DRAXIN: variants seen among roughly 807,000 people sequenced by gnomAD.
The protein encoded by DRAXIN is dorsal repulsive axon guidance protein.
DRAXIN carries 27 observed loss-of-function variants against 33.9 expected under a neutral mutation model. The ratio of observed to expected loss-of-function variants is 0.80; its 90% CI spans 0.59 to 1.10. DRAXIN has a LOEUF of 1.10. DRAXIN is among the 50% of genes least tolerant of loss of function. The pLI is 0.00. For missense variants in DRAXIN, 371 were observed against 460.8 expected (o/e 0.81, Z 1.78); for synonymous variants, 178 against 194.0 (o/e 0.92, Z 0.69).
Position 11,720,033 on chromosome 1 carries a change from G to C in DRAXIN, c.*337G>C. On this transcript the variant is annotated 3_prime_UTR_variant, in exon 7 of 7. Transcript: ENST00000294485. ...AAAACCAAGAGGCGTTTTTGAGAGTGGAAAAGAAATTTAAACTTCCCGAAA... is the reference window on the plus strand; with the variant it reads ...AAAACCAAGAGGCGTTTTTGAGAGTCGAAAAGAAATTTAAACTTCCCGAAA... 3.7e-6 allele frequency: 1 copy of C among 271,974 alleles called. No homozygotes were observed. Among genetic ancestry groups the C allele is most frequent in the South Asian group, 5.4e-5 (1 of 18,596 alleles). 16.8% of individuals were successfully genotyped at this position (271,974 alleles called of 1,614,324 possible).
intron 1 of DRAXIN, among the ~76,000 whole-genome samples, chr1:11,701,639 CCGGGCTGCTG>C (rs1294047052): frequency 6.6e-6 from 1 of 152,200 alleles, no homozygotes; most frequent in Non-Finnish European, 1.5e-5. Context: ...CAGGGCTACT[CCGGGCTGCTG>C]ACTGTGCTCG....
Position 11,705,258 on chromosome 1 carries a change from T to C in DRAXIN, c.-10-991T>C, listed in dbSNP as rs1641360185. 6.6e-6 allele frequency among the ~76,000 whole-genome samples: 1 copy of C among 151,862 alleles called. No homozygotes were observed. Among genetic ancestry groups the C allele is most frequent in the Non-Finnish European group, 1.5e-5 (1 of 67,922 alleles). On this transcript the variant is annotated intron_variant, in intron 1 of 6. Coordinates refer to ENST00000294485, the MANE Select transcript of DRAXIN (RefSeq NM_198545.4). This position sits in a 1 kb window ranked among gnomAD's most constrained non-coding sequence, Gnocchi z 4.8. ...CCAGGATACAGTGAGGTTGGTGCAATGGAGAGGGGTGCGTGGGGGAGCAGC... is the reference window on the plus strand; with the variant it reads ...CCAGGATACAGTGAGGTTGGTGCAACGGAGAGGGGTGCGTGGGGGAGCAGC...
At chr1:11,710,834 A>C (rs1641482132) in intron 3 of DRAXIN, among the ~76,000 whole-genome samples, 1 of 145,678 alleles carries the variant, frequency 6.9e-6, no homozygotes, top group Non-Finnish European at 1.5e-5. Flanking sequence ...GAAGCAGAGA[A>C]TTGCTTGAAC....
chr1:11,696,298 T>C lies in DRAXIN; in HGVS notation c.-11+4445T>C, dbSNP rs745828406. Among the ~76,000 whole-genome samples the C allele has an allele frequency of 1.3e-5, 2 of 152,182 alleles. No homozygotes were observed. Among genetic ancestry groups the C allele is most frequent in the Non-Finnish European group, 2.9e-5 (2 of 68,030 alleles). On this transcript the variant is annotated intron_variant, in intron 1 of 6. Transcript: ENST00000294485. This position sits in a 1 kb window ranked among gnomAD's most constrained non-coding sequence, Gnocchi z 4.7. ...GTGTCCCATTTACTTTATAAACATT[T>C]ACTCCCCAGCCGGGTGCGGTGGCTC...
intron 2 of DRAXIN, 36 bp from the exon 3 acceptor site, chr1:11,709,239 A>G (rs760420069): frequency 6.4e-7 from 1 of 1,560,100 alleles, no homozygotes; most frequent in Non-Finnish European, 8.7e-7. Context: ...GGTGGCAAGC[A>G]GATATAGCCC....
chr1:11,714,149 G>A lies in DRAXIN; in HGVS notation c.848-970G>A, dbSNP rs759064921. ...GAGCCTCGGGGGTCAAGGCTGCAGCGAGATATGATCGCACCACTGTACTCC... is the reference window on the plus strand; with the variant it reads ...GAGCCTCGGGGGTCAAGGCTGCAGCAAGATATGATCGCACCACTGTACTCC... On this transcript the variant is annotated intron_variant, in intron 5 of 6. Coordinates refer to ENST00000294485, the MANE Select transcript of DRAXIN (RefSeq NM_198545.4). Among the ~76,000 whole-genome samples the A allele has an allele frequency of 1.4e-4, 22 of 152,048 alleles. 1 individual carries two copies. Among genetic ancestry groups the A allele is most frequent in the Admixed American group, 5.9e-4 (9 of 15,268 alleles).
intron 1 of DRAXIN, among the ~76,000 whole-genome samples, chr1:11,699,179 T>C (rs1641235065): frequency 1.3e-5 from 2 of 152,296 alleles, no homozygotes; most frequent in South Asian, 2.1e-4. Flanking sequence ...CCTAATCCAA[T>C]GGCCCAGTGG....
rs1260046362 is a variant in DRAXIN, at chr1:11,721,469, C to T, written c.*1773C>T. The T allele has an allele frequency of 2.0e-5, 3 of 152,218 alleles. No individual in the cohort carries two copies. Among genetic ancestry groups the T allele is most frequent in the Admixed American group, 2.0e-4 (3 of 15,278 alleles). 9.4% of individuals were successfully genotyped at this position (152,218 alleles called of 1,614,324 possible). ...GCAAATGACAAAAGACTTTCCTGGCCAAATTCCTCACTGGCCTGGATCACG... is the reference window on the plus strand; with the variant it reads ...GCAAATGACAAAAGACTTTCCTGGCTAAATTCCTCACTGGCCTGGATCACG... On this transcript the variant is annotated 3_prime_UTR_variant, in exon 7 of 7. Coordinates refer to ENST00000294485, the MANE Select transcript of DRAXIN (RefSeq NM_198545.4).
chr1:11,710,184 CAAA>C (rs34519157), intron 3 of DRAXIN, among the ~76,000 whole-genome samples: 58 of 122,458 alleles, frequency 4.7e-4, no homozygotes, highest in Admixed American at 5.8e-4. Flanking sequence ...GACTTTGTCT[CAAA>C]AAAAAAAAAA....
chr1:11,686,695 G>A, the DRAXIN span, among the ~76,000 whole-genome samples: 26 of 151,396 alleles, frequency 1.7e-4, no homozygotes, highest in Non-Finnish European at 2.5e-4. Context: ...GAGCCACTGC[G>A]CCCGGCCCAG....
intron 3 of DRAXIN, among the ~76,000 whole-genome samples, chr1:11,710,012 C>T (rs1211841075): frequency 6.6e-6 from 1 of 152,014 alleles, no homozygotes; most frequent in East Asian, 1.9e-4. Flanking sequence ...TAGTGAAACC[C>T]CATCTCTACT....
intron 1 of DRAXIN, among the ~76,000 whole-genome samples, chr1:11,702,041 CA>C: frequency 6.6e-6 from 1 of 152,188 alleles, no homozygotes. Context: ...CACCCATGCT[CA>C]CAAACATGCT....
intron 1 of DRAXIN, among the ~76,000 whole-genome samples, chr1:11,697,350 T>A (rs150132598): frequency 3.6e-4 from 55 of 152,356 alleles, no homozygotes; most frequent in African/African-American, 1.3e-3. Context: ...TGCTGGCAGA[T>A]CAGCAGCTCC....
rs542957966 is a variant in DRAXIN, at chr1:11,707,084, C to A, written c.451+375C>A. Reference sequence around the variant, plus strand: ...GGCGCGATGGTGGGCGCCTGTAGTCCCAGCTACTTGGAAGGCTGAGGCAGG... The same window carrying A: ...GGCGCGATGGTGGGCGCCTGTAGTCACAGCTACTTGGAAGGCTGAGGCAGG... On this transcript the variant is annotated intron_variant, in intron 2 of 6. Coordinates refer to ENST00000294485, the MANE Select transcript of DRAXIN (RefSeq NM_198545.4). Among the ~76,000 whole-genome samples the A allele has an allele frequency of 6.6e-5, 10 of 152,126 alleles. No homozygotes were observed. In the Middle Eastern group the frequency reaches 0.014, roughly 207 times the overall value.
At position 11,715,788 on chromosome 1, in the gene DRAXIN, G is replaced by A. The variant is rs533906970; in HGVS notation, c.937+580G>A. On this transcript the variant is annotated intron_variant, in intron 6 of 6. Transcript: ENST00000294485. ...CCCTAGAAAGGAGCTATGATGATCC[G>A]CACTGTACAAATAAGCCAACTGGGG... is the stretch of plus-strand genomic sequence containing the variant. 9.9e-5 allele frequency among the ~76,000 whole-genome samples: 15 copies of A among 152,282 alleles called. No individual in the cohort carries two copies. The South Asian group carries it at 1.9e-3, about 19-fold the overall frequency.
chr1:11,709,390 C>T lies in DRAXIN; in HGVS notation c.567C>T (p.Phe189=). 1 of 1,614,018 alleles carries T rather than the reference C, an allele frequency of 6.2e-7. No individual in the cohort carries two copies. The highest frequency in any genetic ancestry group is 8.5e-7 in the Non-Finnish European group (1 of 1,179,986). ...CCACCAGCCTGGCGCCCACCATGTTCTTTCTCACCACCTTTGAGGCAGCAC... is the reference window on the plus strand; with the variant it reads ...CCACCAGCCTGGCGCCCACCATGTTTTTTCTCACCACCTTTGAGGCAGCAC... ...ESSTSLAPTM[F]FLTTFEAAPA... is the part of the protein sequence containing the mutation. The change falls in exon 3 of 7, where the codon TTC becomes TTT. Residue 189 remains phenylalanine, a synonymous_variant. Transcript: ENST00000294485.
intron 1 of DRAXIN, among the ~76,000 whole-genome samples, chr1:11,699,141 C>A (rs1641234553): frequency 1.3e-5 from 2 of 152,192 alleles, no homozygotes; most frequent in South Asian, 4.1e-4. Flanking sequence ...TTCTCAGGCT[C>A]CCTTGGCAGA....
upstream of DRAXIN, among the ~76,000 whole-genome samples, chr1:11,687,809 T>C (rs76460554): frequency 4.3e-3 from 657 of 152,332 alleles, 3 homozygotes; most frequent in African/African-American, 0.015. This position sits in a 1 kb window ranked among gnomAD's most constrained non-coding sequence, Gnocchi z 4.1. Flanking sequence ...ACTTCATTCC[T>C]TCGTAGAACC....
Position 11,719,602 on chromosome 1 carries a change from A to G in DRAXIN, c.956A>G (p.Lys319Arg). 6.2e-7 allele frequency: 1 copy of G among 1,613,406 alleles called. No individual in the cohort carries two copies. Among genetic ancestry groups the G allele is most frequent in the Non-Finnish European group, 8.5e-7 (1 of 1,179,694 alleles). Residue 319 changes from lysine (K) to arginine (R), a missense_variant, in exon 7 of 7, where the codon AAA (lysine) becomes AGA (arginine). By Grantham distance (26) the Lys-to-Arg change is conservative. Transcript: ENST00000294485. ...MCVEGLRCYA[K>R]FHRNRRVTRR... The stretch of plus-strand genomic sequence containing the variant: ...CGCCCAGGGCTGCGCTGCTATGCCA[A>G]ATTCCACCGGAACCGCAGGGTTACA...
Sources: gnomAD v4.1 joint callset for allele counts (sites outside exome capture counted in the v4.1 genomes callset) on GRCh38, gnomAD v4.1.1 for gene constraint, Gnocchi (gnomAD v3.1) non-coding constraint, MANE v1.5 for transcripts, NCBI Gene and HGNC (gene_info 2026-07-23, HGNC 2026-07-21) for gene names.